The following RYR3 variants were observed in gnomAD, a reference collection of about 807,000 sequenced individuals.
RYR3 encodes the protein ryanodine receptor 3.
A neutral mutation model predicts 584.3 loss-of-function variants in RYR3; 207 were observed. That is an observed-to-expected ratio of 0.35 (90% CI 0.32 to 0.40). The LOEUF (loss-of-function observed/expected upper bound fraction) is 0.40, where lower values mean the gene tolerates loss of function less well. Among genes scored for constraint, RYR3 ranks in the 10% least tolerant of loss-of-function variants. RYR3 has a pLI of 1.00. For synonymous variants in RYR3, 2,416 were observed against 2,248.5 expected, an observed-to-expected ratio of 1.07 and a Z score of -2.11; for missense variants, 5,616 against 6,089.2, an observed-to-expected ratio of 0.92 and a Z score of 2.59.
At chr15:33,382,480 G>A (rs187828763) in intron 1 of RYR3, among the ~76,000 whole-genome samples, 16 of 151,906 alleles carry the variant, frequency 1.1e-4, no homozygotes, top group Middle Eastern at 3.4e-3. Context: ...CAAGCCACCA[G>A]CCCGGCTAAT....
rs8041960 is a variant in RYR3 at position 33,772,100 on chromosome 15, C to A, written c.8997C>A (p.Pro2999=). 3 of 1,613,750 alleles carry A rather than the reference C, an allele frequency of 1.9e-6. No individual in the cohort carries two copies. Among genetic ancestry groups the A allele is most frequent in the East Asian group, 4.5e-5 (2 of 44,868 alleles). ...NINYTTVALL[P]ILTSIFEHVT... ...ACTACACTACAGTGGCTCTGCTCCCCATCCTGACGTCCATCTTTGAGCACG... is the reference window on the plus strand; with the variant it reads ...ACTACACTACAGTGGCTCTGCTCCCAATCCTGACGTCCATCTTTGAGCACG... The change falls in exon 63 of 104, where the codon CCC becomes CCA. Residue 2999 remains proline (P), a synonymous_variant. Transcript: ENST00000634891.
At chr15:33,837,482 A>G (rs760071077) in intron 88 of RYR3, 149 bp from the exon 89 acceptor site, 2 of 824,984 alleles carry the variant, frequency 2.4e-6, no homozygotes, top group Non-Finnish European at 3.7e-6. Flanking sequence ...TGTAGTCTTT[A>G]TGGCTTGCTG....
chr15:33,714,553 T>C (rs1201632808), intron 43 of RYR3, among the ~76,000 whole-genome samples: 1 of 152,200 alleles, frequency 6.6e-6, no homozygotes, highest in Non-Finnish European at 1.5e-5. Context: ...TGTCTGTGAT[T>C]AATCCCTTCC....
At chr15:33,763,892 C>CAAAAACAAAAAAAAAAAAAA (rs1555447212) in intron 60 of RYR3, among the ~76,000 whole-genome samples, 1 of 45,870 alleles carries the variant, frequency 2.2e-5, no homozygotes, top group African/African-American at 9.0e-5. Context: ...GACTTCATCT[C>CAAAAACAAAAAAAAAAAAAA]AAAAAAAAAA....
At position 33,580,120 on chromosome 15, in the gene RYR3, C is replaced by G. The variant is rs202001689; in HGVS notation, c.1413C>G (p.Asn471Lys). The G allele has an allele frequency of 9.4e-5, 151 of 1,609,362 alleles. No homozygotes were observed. The highest frequency in any genetic ancestry group is 1.2e-4 in the Non-Finnish European group (142 of 1,177,944). Residue 471 changes from asparagine (N) to lysine (K), a missense_variant, in exon 13 of 104, where the codon AAC becomes AAG. This residue lies in a region of RYR3 where 1,284 missense variants were observed against 1,344.6 expected (regional missense o/e 0.95). Transcript: ENST00000634891. ...AGAACAAGCTCCGCTCACTCAAAAA[C>G]AGACAAAATCTTTTCAAGGAAGAGG... ...DKQNKLRSLK[N>K]RQNLFKEEGM...
At chr15:33,462,640 A>G (rs1469506262) in intron 1 of RYR3, among the ~76,000 whole-genome samples, 2 of 152,182 alleles carry the variant, frequency 1.3e-5, no homozygotes, top group Admixed American at 1.3e-4. Flanking sequence ...AAAATAAATA[A>G]TATATCTAAT....
intron 1 of RYR3, among the ~76,000 whole-genome samples, chr15:33,376,030 C>G (rs2040712163): frequency 6.6e-6 from 1 of 152,212 alleles, no homozygotes; most frequent in Non-Finnish European, 1.5e-5. Flanking sequence ...CGCCACTGCA[C>G]TCCAGCCTGG....
chr15:33,451,469 A>G (rs7496472), intron 1 of RYR3, among the ~76,000 whole-genome samples: 88 of 104,570 alleles, frequency 8.4e-4, no homozygotes, highest in Non-Finnish European at 1.6e-3. Flanking sequence ...AATTTTGGGG[A>G]AAAAAAAAAA....
intron 60 of RYR3, among the ~76,000 whole-genome samples, chr15:33,764,881 A>C (rs1213595036): frequency 6.6e-6 from 1 of 152,026 alleles, no homozygotes; most frequent in Non-Finnish European, 1.5e-5. Flanking sequence ...AAATGCAAAA[A>C]TTAGCTGGGC....
At chr15:33,414,821 T>A (rs148125018) in intron 1 of RYR3, among the ~76,000 whole-genome samples, 1 of 152,138 alleles carries the variant, frequency 6.6e-6, no homozygotes, top group Non-Finnish European at 1.5e-5. Flanking sequence ...CTTGATCTCC[T>A]GGCCTCGTGA....
intron 64 of RYR3, among the ~76,000 whole-genome samples, chr15:33,774,217 A>T (rs1202184726): frequency 6.6e-6 from 1 of 152,192 alleles, no homozygotes; most frequent in Non-Finnish European, 1.5e-5. Flanking sequence ...CTTGCTTTTC[A>T]GCATCAAATG....
intron 16 of RYR3, among the ~76,000 whole-genome samples, chr15:33,588,787 CTTTT>C (rs1463595867): frequency 6.7e-6 from 1 of 150,066 alleles, no homozygotes; most frequent in African/African-American, 2.5e-5. Context: ...TGATTTCATT[CTTTT>C]TTTATGACTG....
chr15:33,380,279 G>T (rs1199121103), intron 1 of RYR3, among the ~76,000 whole-genome samples: 1 of 152,236 alleles, frequency 6.6e-6, no homozygotes, highest in East Asian at 1.9e-4. Flanking sequence ...CTTTATAAAG[G>T]GGCTCCCAGT....
Position 33,865,649 on chromosome 15 carries a change from A to G in RYR3, c.*423A>G. 1 of 156,650 alleles carries G rather than the reference A, an allele frequency of 6.4e-6. No individual in the cohort carries two copies. Among genetic ancestry groups the G allele is most frequent in the Non-Finnish European group, 1.4e-5 (1 of 70,956 alleles). The allele number at this position is 156,650 out of a possible 1,614,324, so 9.7% of individuals were successfully genotyped here. A position where few individuals can be genotyped will look rare whatever the true frequency, so the allele number is the denominator to read the frequency against. On this transcript the variant is annotated 3_prime_UTR_variant, in exon 104 of 104. Coordinates refer to ENST00000634891, the MANE Select transcript of RYR3 (RefSeq NM_001036.6). ...CTCATAGGGTCTGAACTCACTCCAA[A>G]AGATAATAACTGCAGTCTAATTTTT...
chr15:33,844,950 T>C lies in RYR3; in HGVS notation c.13385T>C (p.Val4462Ala). The C allele has an allele frequency of 6.2e-7, 1 of 1,613,976 alleles. No homozygotes were observed. Among genetic ancestry groups the C allele is most frequent in the Non-Finnish European group, 8.5e-7 (1 of 1,179,868 alleles). The change falls in exon 93 of 104, where the codon GTA (valine) becomes GCA (alanine). Residue 4462 changes from valine (V) to alanine (A), a missense_variant. Val to Ala is a moderately conservative substitution (Grantham distance 64). Around this residue, in one of 9 missense-constraint regions of RYR3, gnomAD observed 918 missense variants for 887.4 expected, o/e 1.03. Transcript: ENST00000634891. ...GACGAGGAAGAGGAAGAAGCGATGG[T>C]ATTCTTTGTCCTTCAGGAGAGCACC... Reference protein sequence around the residue: ...FNDEEEEEAMVFFVLQESTGY... With the variant: ...FNDEEEEEAMAFFVLQESTGY...
chr15:33,565,924 A>G (rs993274091), intron 11 of RYR3, among the ~76,000 whole-genome samples: 1 of 152,210 alleles, frequency 6.6e-6, no homozygotes, highest in African/African-American at 2.4e-5. Context: ...TCTGATAACA[A>G]ACACTCATTG....
chr15:33,494,420 A>C (rs1049072425), intron 2 of RYR3, among the ~76,000 whole-genome samples: 29 of 152,124 alleles, frequency 1.9e-4, no homozygotes, highest in African/African-American at 6.8e-4. Context: ...AGAAACAGCA[A>C]TCATTCTGCT....
intron 11 of RYR3, 136 bp from the exon 12 acceptor site, chr15:33,566,542 C>G: frequency 1.1e-6 from 1 of 896,998 alleles, no homozygotes; most frequent in Non-Finnish European, 1.8e-6. Context: ...GCTAATGTCC[C>G]ATTCTCAAAA....
At chr15:33,854,945 C>T (rs925668343) in intron 98 of RYR3, 33 bp downstream of exon 98, 1 of 1,580,894 alleles carries the variant, frequency 6.3e-7, no homozygotes, top group Non-Finnish European at 8.6e-7. Context: ...ACAGAATGGA[C>T]CTGTATATGC....
Sources: gnomAD v4.1 joint callset for allele counts (sites outside exome capture counted in the v4.1 genomes callset) on GRCh38, gnomAD v4.1.1 for gene constraint, gnomAD v4.1.1 regional missense constraint, MANE v1.5 for transcripts, NCBI Gene and HGNC (gene_info 2026-07-23, HGNC 2026-07-21) for gene names.